The following CFAP299 variants were observed in gnomAD, a reference collection of about 807,000 sequenced individuals.
CFAP299 encodes the protein cilia and flagella associated protein 299.
A neutral mutation model predicts 27.0 loss-of-function variants in CFAP299; 21 were observed. The observed-to-expected ratio is 0.78, with a 90% CI of 0.55 to 1.12. The LOEUF (loss-of-function observed/expected upper bound fraction) is 1.12. Ranked by LOEUF, CFAP299 falls within the 50% of genes most tolerant of loss-of-function variation. CFAP299 has a pLI of 0.00. For missense variants in CFAP299, 310 were observed against 276.6 expected (o/e 1.12, Z -0.86); for synonymous variants, 104 against 98.1 (o/e 1.06, Z -0.36).
chr4:80,488,677 C>T (rs185828330), intron 2 of CFAP299, among the ~76,000 whole-genome samples: 15 of 152,048 alleles, frequency 9.9e-5, no homozygotes, highest in African/African-American at 1.9e-4. Flanking sequence ...GGGGTTTCAC[C>T]GTGTTAGCCA....
At chr4:80,628,230 G>C (rs1712890347) in intron 3 of CFAP299, among the ~76,000 whole-genome samples, 1 of 152,042 alleles carries the variant, frequency 6.6e-6, no homozygotes, top group Non-Finnish European at 1.5e-5. Context: ...CACACAATAG[G>C]AAAAGGACAG....
chr4:80,758,261 C>T (rs1725360299), intron 3 of CFAP299, among the ~76,000 whole-genome samples: 1 of 152,104 alleles, frequency 6.6e-6, no homozygotes, highest in African/African-American at 2.4e-5. Context: ...GAAAAGGGGA[C>T]AGAGAGGGAA....
At chr4:80,512,441 T>C (rs544528413) in intron 2 of CFAP299, among the ~76,000 whole-genome samples, 1 of 152,192 alleles carries the variant, frequency 6.6e-6, no homozygotes, top group African/African-American at 2.4e-5. Flanking sequence ...GAAGCACATA[T>C]GGAAAACCAC....
chr4:80,728,758 T>C (rs1420300476), intron 3 of CFAP299, among the ~76,000 whole-genome samples: 4 of 152,198 alleles, frequency 2.6e-5, no homozygotes, highest in Non-Finnish European at 5.9e-5. Context: ...AAGACAGTTA[T>C]CCTAACTGCG....
At chr4:80,825,640 C>T (rs1044380281) in intron 3 of CFAP299, among the ~76,000 whole-genome samples, 3 of 151,924 alleles carry the variant, frequency 2.0e-5, no homozygotes, top group Middle Eastern at 3.4e-3. Context: ...ATCCTATATC[C>T]AGCAAAATAG....
intron 2 of CFAP299, among the ~76,000 whole-genome samples, chr4:80,507,448 G>A (rs1330203647): frequency 6.6e-6 from 1 of 152,078 alleles, no homozygotes; most frequent in Non-Finnish European, 1.5e-5. Flanking sequence ...AAGAGTTGAG[G>A]CAACTTTTCA....
At chr4:80,742,422 G>A (rs1029316787) in intron 3 of CFAP299, among the ~76,000 whole-genome samples, 1 of 151,998 alleles carries the variant, frequency 6.6e-6, no homozygotes, top group Admixed American at 6.6e-5. Context: ...TAAGTGCCAG[G>A]TACCATGCTA....
chr4:80,925,922 A>G (rs1179815580), intron 4 of CFAP299, among the ~76,000 whole-genome samples: 1 of 152,100 alleles, frequency 6.6e-6, no homozygotes, highest in African/African-American at 2.4e-5. Context: ...CCTAGTTGAA[A>G]TGACAGAATG....
intron 5 of CFAP299, among the ~76,000 whole-genome samples, chr4:80,948,829 A>G (rs937656428): frequency 6.6e-6 from 1 of 152,112 alleles, no homozygotes; most frequent in East Asian, 1.9e-4. Context: ...AAAAGCAATA[A>G]TAACAATAAT....
chr4:80,739,026 A>G (rs1043090578), intron 3 of CFAP299, among the ~76,000 whole-genome samples: 11 of 152,094 alleles, frequency 7.2e-5, no homozygotes, highest in Admixed American at 1.3e-4. Context: ...CAAACATGCA[A>G]AAAGAAAGCT....
intron 2 of CFAP299, among the ~76,000 whole-genome samples, chr4:80,363,443 A>G (rs1723649844): frequency 6.6e-6 from 1 of 152,238 alleles, no homozygotes; most frequent in Admixed American, 6.5e-5. Context: ...GCAATTTTAT[A>G]AAGACCTAAC....
At chr4:80,482,713 C>A (rs751305685) in intron 2 of CFAP299, among the ~76,000 whole-genome samples, 10 of 152,126 alleles carry the variant, frequency 6.6e-5, no homozygotes, top group Non-Finnish European at 1.5e-4. Context: ...AACAATTCTG[C>A]AAAGCATTAT....
Position 80,870,009 on chromosome 4 carries a change from G to T in CFAP299, c.350G>T (p.Arg117Leu). 2 of 1,608,912 alleles carry T rather than the reference G, an allele frequency of 1.2e-6. No individual in the cohort carries two copies. Among genetic ancestry groups the T allele is most frequent in the South Asian group, 1.1e-5 (1 of 90,078 alleles). The change falls in exon 4 of 6, where the codon CGT becomes CTT. Residue 117 changes from arginine to leucine, a missense_variant. Physicochemically the swap from Arg to Leu is moderately radical, Grantham distance 102. Coordinates refer to ENST00000358105, the MANE Select transcript of CFAP299 (RefSeq NM_152770.3). ...TGCTACCAGTCCGTGATCTTTATTC[G>T]TGACAGAAATTCTCATGGGCAAGAG... ...SGKLSSVIFI[R>L]DRNSHGQEIS...
At chr4:80,531,817 G>A (rs35343938) in intron 2 of CFAP299, among the ~76,000 whole-genome samples, 1 of 144,466 alleles carries the variant, frequency 6.9e-6, no homozygotes, top group African/African-American at 2.6e-5. Flanking sequence ...GCAATGGCAC[G>A]ATCTCGGCTC....
At chr4:80,699,456 C>T (rs898768868) in intron 3 of CFAP299, among the ~76,000 whole-genome samples, 2 of 152,130 alleles carry the variant, frequency 1.3e-5, no homozygotes, top group Non-Finnish European at 2.9e-5. Flanking sequence ...CCAGGCAGTA[C>T]CAGAAACACC....
chr4:80,679,464 C>T (rs923026801), intron 3 of CFAP299, among the ~76,000 whole-genome samples: 1 of 152,004 alleles, frequency 6.6e-6, no homozygotes, highest in African/African-American at 2.4e-5. Context: ...TGTAGTATGG[C>T]AAGTGCACGT....
Position 80,567,293 on chromosome 4 carries a change from T to C in CFAP299, c.243-15800T>C, listed in dbSNP as rs1334266417. On this transcript the variant is annotated intron_variant, in intron 2 of 5. Coordinates refer to ENST00000358105, the MANE Select transcript of CFAP299 (RefSeq NM_152770.3). ...GGGGAAAGTGATGTTATTTTCCTGC[T>C]CAGTGGAAATTTGACCCTCATTTCT... Among the ~76,000 whole-genome samples, 3 of 152,118 alleles carry C rather than the reference T, an allele frequency of 2.0e-5. No individual in the cohort carries two copies. The East Asian group carries it at 5.8e-4, about 29-fold the overall frequency.
intron 3 of CFAP299, among the ~76,000 whole-genome samples, chr4:80,592,765 G>A (rs1248654457): frequency 6.6e-6 from 1 of 152,176 alleles, no homozygotes; most frequent in Non-Finnish European, 1.5e-5. Context: ...TGTAACAGTT[G>A]TAATTTAGTG....
intron 2 of CFAP299, among the ~76,000 whole-genome samples, chr4:80,577,585 T>C (rs899714058): frequency 2.6e-5 from 4 of 151,910 alleles, no homozygotes; most frequent in African/African-American, 9.7e-5. Flanking sequence ...GTATTTTTAG[T>C]AGAGACAGGG....
Sources: gnomAD v4.1 joint callset for allele counts (sites outside exome capture counted in the v4.1 genomes callset) on GRCh38, gnomAD v4.1.1 for gene constraint, MANE v1.5 for transcripts, NCBI Gene and HGNC (gene_info 2026-07-23, HGNC 2026-07-21) for gene names.